Variants in ARID5B observed in about 807,000 individuals in gnomAD.
The protein encoded by ARID5B is AT-rich interaction domain 5B.
ARID5B carries 13 observed loss-of-function variants against 97.2 expected under a neutral mutation model. The ratio of observed to expected loss-of-function variants is 0.13; its 90% confidence interval spans 0.09 to 0.21. The LOEUF (loss-of-function observed/expected upper bound fraction) is 0.21. ARID5B is among the 10% of genes least tolerant of loss of function. ARID5B has a pLI of 1.00. For missense variants in ARID5B, 1,210 were observed against 1,465.3 expected (o/e 0.83, Z 2.84); for synonymous variants, 556 against 570.3 (o/e 0.97, Z 0.36).
chr10:62,034,613 C>T lies in ARID5B; in HGVS notation c.734-16275C>T, dbSNP rs1052905409. 5.3e-5 allele frequency among the ~76,000 whole-genome samples: 8 copies of T among 152,178 alleles called. No homozygotes were observed. The South Asian group carries it at 6.2e-4, about 12-fold the overall frequency. On this transcript the variant is annotated intron_variant, in intron 4 of 9. Coordinates refer to ENST00000279873, the MANE Select transcript of ARID5B (RefSeq NM_032199.3). Reference sequence around the variant, plus strand: ...GTGTAAAGTGTGACATTTTAATTCCCGCTGAACAATTTCCTACCTTGATTT... The same window carrying T: ...GTGTAAAGTGTGACATTTTAATTCCTGCTGAACAATTTCCTACCTTGATTT...
intron 4 of ARID5B, among the ~76,000 whole-genome samples, chr10:62,026,310 G>A (rs1018518457): frequency 2.0e-5 from 3 of 152,204 alleles, no homozygotes; most frequent in Non-Finnish European, 2.9e-5. Flanking sequence ...AGATATGTGT[G>A]GTGTGGGCAA....
chr10:61,928,571 G>A (rs1844148249), intron 2 of ARID5B, among the ~76,000 whole-genome samples: 1 of 152,112 alleles, frequency 6.6e-6, no homozygotes, highest in African/African-American at 2.4e-5. Context: ...GGGATTACAG[G>A]CATGAGCCAC....
chr10:61,903,173 C>G (rs763564183), intron 2 of ARID5B, among the ~76,000 whole-genome samples: 243 of 141,496 alleles, frequency 1.7e-3, no homozygotes, highest in Non-Finnish European at 3.0e-3. Flanking sequence ...GTGTGTGGGA[C>G]GGGGGCGGGG....
At chr10:61,935,123 C>T (rs1176120173) in intron 2 of ARID5B, among the ~76,000 whole-genome samples, 1 of 151,978 alleles carries the variant, frequency 6.6e-6, no homozygotes, top group African/African-American at 2.4e-5. Flanking sequence ...AAAGCGAGCA[C>T]CTCCTGTTGG....
chr10:61,954,269 A>G (rs1004277557), intron 3 of ARID5B, among the ~76,000 whole-genome samples: 1 of 152,020 alleles, frequency 6.6e-6, no homozygotes, highest in East Asian at 1.9e-4. Context: ...AGGCAGGAGA[A>G]TCACTTGAAC....
chr10:62,053,615 TA>T (rs1839819546), intron 5 of ARID5B, among the ~76,000 whole-genome samples: 1 of 152,202 alleles, frequency 6.6e-6, no homozygotes, highest in Admixed American at 6.5e-5. Context: ...TAGAGTGATC[TA>T]TAACAGAAAT....
rs1839059255 is a variant in ARID5B at position 62,000,328 on chromosome 10, C to G, written c.733+7C>G. 1 of 955,096 alleles carries G rather than the reference C, an allele frequency of 1.0e-6. No individual in the cohort carries two copies. The allele number at this position is 955,096 out of a possible 1,614,324, so 59.2% of individuals were successfully genotyped here. A position where few individuals can be genotyped will look rare whatever the true frequency, so the allele number is the denominator to read the frequency against. On this transcript the variant is annotated splice_region_variant and intron_variant, in intron 4 of 9. Coordinates refer to ENST00000279873, the MANE Select transcript of ARID5B (RefSeq NM_032199.3). The surrounding 1 kb of genome is among the most constrained non-coding windows in gnomAD (Gnocchi z 4.4). ...AGTATATGCGATGAGTTTGGTGAGT[C>G]TTTTTTTTTTTTTCCTACCTGATTC...
intron 8 of ARID5B, among the ~76,000 whole-genome samples, chr10:62,076,516 C>T (rs1840137021): frequency 6.8e-6 from 1 of 145,992 alleles, no homozygotes; most frequent in South Asian, 2.2e-4. Context: ...GAGCCGAGAT[C>T]ACGCCACCGC....
chr10:61,921,350 G>A (rs540158664), intron 2 of ARID5B, among the ~76,000 whole-genome samples: 1 of 152,340 alleles, frequency 6.6e-6, no homozygotes, highest in African/African-American at 2.4e-5. Context: ...TGAAAGCTCT[G>A]TAGAGGGAGG....
At chr10:61,944,074 C>T (rs1844461053) in intron 3 of ARID5B, among the ~76,000 whole-genome samples, 1 of 152,080 alleles carries the variant, frequency 6.6e-6, no homozygotes, top group Non-Finnish European at 1.5e-5. Context: ...CTCTTCCCTC[C>T]TCTTTGTCCT....
chr10:61,928,365 A>G (rs1047023055), intron 2 of ARID5B, among the ~76,000 whole-genome samples: 6 of 152,146 alleles, frequency 3.9e-5, no homozygotes, highest in Admixed American at 2.6e-4. Flanking sequence ...CAGTAGCACA[A>G]TCATGGCTCA....
intron 4 of ARID5B, among the ~76,000 whole-genome samples, chr10:62,028,509 GTCTGCAC>G (rs1447167099): frequency 6.6e-6 from 1 of 152,172 alleles, no homozygotes; most frequent in Admixed American, 6.5e-5. Context: ...CTGGATCTCA[GTCTGCAC>G]TCATTGTCAC....
At chr10:62,035,028 A>G (rs928244635) in intron 4 of ARID5B, among the ~76,000 whole-genome samples, 10 of 152,236 alleles carry the variant, frequency 6.6e-5, no homozygotes, top group Admixed American at 3.3e-4. Context: ...CTGTGTGTCC[A>G]CAGACAAGGT....
intron 4 of ARID5B, among the ~76,000 whole-genome samples, chr10:62,013,710 C>T (rs865876946): frequency 1.3e-4 from 20 of 151,854 alleles, no homozygotes; most frequent in Admixed American, 1.1e-3. Context: ...CTTCACTCCA[C>T]ACAATGCCCT....
intron 3 of ARID5B, among the ~76,000 whole-genome samples, chr10:61,972,225 CTTT>C (rs71022106): frequency 9.7e-4 from 109 of 112,658 alleles, no homozygotes; most frequent in African/African-American, 2.5e-3. Context: ...TTATATCATG[CTTT>C]TTTTTTTTTT....
At chr10:61,941,785 G>A (rs910011970) in intron 3 of ARID5B, among the ~76,000 whole-genome samples, 3 of 152,150 alleles carry the variant, frequency 2.0e-5, no homozygotes, top group Non-Finnish European at 4.4e-5. Flanking sequence ...CACATTTAGA[G>A]ACAATTATTA....
chr10:61,918,386 G>C (rs1385757539), intron 2 of ARID5B, among the ~76,000 whole-genome samples: 2 of 152,138 alleles, frequency 1.3e-5, no homozygotes, highest in Non-Finnish European at 2.9e-5. Context: ...AGATGCTTAT[G>C]GGCATAGAGC....
chr10:61,997,870 T>TA (rs1202222035), intron 3 of ARID5B, among the ~76,000 whole-genome samples: 1 of 152,216 alleles, frequency 6.6e-6, no homozygotes, highest in Non-Finnish European at 1.5e-5. Flanking sequence ...TTTAGCTGTA[T>TA]AAAAAGCACG....
chr10:61,927,077 G>T (rs752260759), intron 2 of ARID5B, among the ~76,000 whole-genome samples: 2 of 152,116 alleles, frequency 1.3e-5, no homozygotes, highest in Non-Finnish European at 2.9e-5. Flanking sequence ...GACCATTATT[G>T]TTCCTAGACA....
Sources: gnomAD v4.1 joint callset for allele counts (sites outside exome capture counted in the v4.1 genomes callset) on GRCh38, gnomAD v4.1.1 for gene constraint, Gnocchi (gnomAD v3.1) non-coding constraint, MANE v1.5 for transcripts, NCBI Gene and HGNC (gene_info 2026-07-23, HGNC 2026-07-21) for gene names.